Variants in DMXL1 observed in about 807,000 individuals in gnomAD.
DMXL1 encodes the protein dmX-like protein 1.
A neutral mutation model predicts 319.2 loss-of-function variants in DMXL1; 99 were observed. That is an observed-to-expected ratio of 0.31 (90% confidence interval 0.26 to 0.37). The LOEUF (loss-of-function observed/expected upper bound fraction) is 0.37. Ranked by LOEUF, DMXL1 falls within the 10% of genes least tolerant of loss-of-function variation. DMXL1 has a pLI of 1.00. For synonymous variants in DMXL1, 1,385 were observed against 1,235.2 expected (o/e 1.12, Z -2.54); for missense variants, 3,745 against 3,595.6 (o/e 1.04, Z -1.06).
chr5:119,099,172 T>C (rs1379599068), intron 2 of DMXL1, among the ~76,000 whole-genome samples: 1 of 139,202 alleles, frequency 7.2e-6, no homozygotes, highest in African/African-American at 2.9e-5. Flanking sequence ...TGGAAATCTT[T>C]GGGTTTTTTT....
Position 119,150,353 on chromosome 5 carries a change from T to C in DMXL1, c.4526T>C (p.Leu1509Ser). The C allele has an allele frequency of 6.2e-7, 1 of 1,613,848 alleles. No individual in the cohort carries two copies. ...CTCAGCCGGATGGAGCAGATGTCTT[T>C]GATGGCCTTAGCAGATACAATTGCA... ...PGLSRMEQMS[L>S]MALADTIATT... is the part of the protein sequence containing the mutation. The change falls in exon 18 of 44, where the codon TTG becomes TCG. Residue 1509 changes from leucine (L) to serine (S), a missense_variant. By Grantham distance (145) the Leu-to-Ser change is moderately radical (BLOSUM62 -2). Transcript: ENST00000539542.
chr5:119,121,880 T>C (rs1249739668), intron 9 of DMXL1, among the ~76,000 whole-genome samples: 2 of 148,088 alleles, frequency 1.4e-5, no homozygotes, highest in Non-Finnish European at 3.0e-5. Flanking sequence ...GCCCCTCACC[T>C]CCTGGACGGG....
intron 1 of DMXL1, among the ~76,000 whole-genome samples, chr5:119,082,522 A>G (rs559267743): frequency 2.6e-5 from 4 of 152,090 alleles, no homozygotes; most frequent in South Asian, 4.2e-4. Context: ...CAATCCTCCC[A>G]CATTGGCCTC....
chr5:119,099,541 T>C (rs1323781918), intron 2 of DMXL1, among the ~76,000 whole-genome samples: 2 of 152,178 alleles, frequency 1.3e-5, no homozygotes, highest in African/African-American at 2.4e-5. Flanking sequence ...TCTTCATGTT[T>C]GTTTGATCTT....
Position 119,244,581 on chromosome 5 carries a change from A to G in DMXL1, c.8922+5A>G, listed in dbSNP as rs1431271404. 2 of 1,609,616 alleles carry G rather than the reference A, an allele frequency of 1.2e-6. No homozygotes were observed. The highest frequency in any genetic ancestry group is 1.3e-5 in the African/African-American group (1 of 74,838). ...TCTGCCGAAGGCAATATAAAGGTAAACACAGTTGATGCCACAACATCTACA... is the reference window on the plus strand; with the variant it reads ...TCTGCCGAAGGCAATATAAAGGTAAGCACAGTTGATGCCACAACATCTACA... On this transcript the variant is annotated splice_donor_5th_base_variant and intron_variant, in intron 43 of 43. Coordinates refer to ENST00000539542, the MANE Select transcript of DMXL1 (RefSeq NM_001290321.3).
In DMXL1 at chr5:119,149,277, T is replaced by G; in HGVS notation, c.3450T>G (p.Gly1150=). The G allele has an allele frequency of 6.2e-7, 1 of 1,613,914 alleles. No individual in the cohort carries two copies. Among genetic ancestry groups the G allele is most frequent in the African/African-American group, 1.3e-5 (1 of 75,012 alleles). The part of the protein sequence containing the change: ...VHLDWMSRED[G]SHILTVGIGS... ...TAGATTGGATGTCTAGAGAAGACGGTTCTCATATCCTGACTGTAGGAATTG... is the reference window on the plus strand; with the variant it reads ...TAGATTGGATGTCTAGAGAAGACGGGTCTCATATCCTGACTGTAGGAATTG... Residue 1150 remains glycine, a synonymous_variant, in exon 18 of 44, where the codon GGT becomes GGG. Coordinates refer to ENST00000539542, the MANE Select transcript of DMXL1 (RefSeq NM_001290321.3).
chr5:119,085,156 C>T (rs1227544849), intron 1 of DMXL1, among the ~76,000 whole-genome samples: 1 of 151,772 alleles, frequency 6.6e-6, no homozygotes, highest in East Asian at 1.9e-4. Context: ...TGGTGAAACC[C>T]CGTCTCTATT....
At chr5:119,089,999 C>CTTTTTTTTTTTTTTTTTTTTTTTTTTTT (rs70982467) in intron 1 of DMXL1, among the ~76,000 whole-genome samples, 2 of 34,402 alleles carry the variant, frequency 5.8e-5, no homozygotes, top group Non-Finnish European at 1.1e-4. Context: ...TCGGGTTAGT[C>CTTTTTTTTTTTTTTTTTTTTTTTTTTTT]TTTTTTTTTT....
chr5:119,198,462 C>G (rs1780059443), intron 32 of DMXL1, among the ~76,000 whole-genome samples: 1 of 152,200 alleles, frequency 6.6e-6, no homozygotes. Context: ...TAGATTTGGA[C>G]TGTGAGCTAT....
intron 38 of DMXL1, among the ~76,000 whole-genome samples, chr5:119,229,300 C>CA (rs1465865683): frequency 1.7e-4 from 26 of 151,958 alleles, no homozygotes; most frequent in Non-Finnish European, 2.9e-4. Context: ...CTTGATAAAA[C>CA]AAAATCTCGA....
intron 16 of DMXL1, 113 bp from the exon 17 acceptor site, chr5:119,147,136 T>C: frequency 1.8e-6 from 2 of 1,106,166 alleles, no homozygotes; most frequent in Non-Finnish European, 1.3e-6. Flanking sequence ...ATCATATTAA[T>C]ATGTTTACTA....
intron 25 of DMXL1, among the ~76,000 whole-genome samples, chr5:119,174,812 C>T (rs909075299): frequency 6.6e-6 from 1 of 152,174 alleles, no homozygotes; most frequent in Admixed American, 6.6e-5. Flanking sequence ...TAGTTTCACT[C>T]TCTTCAAATT....
intron 43 of DMXL1, among the ~76,000 whole-genome samples, chr5:119,246,103 A>T (rs1789712452): frequency 6.6e-6 from 1 of 152,240 alleles, no homozygotes; most frequent in East Asian, 1.9e-4. Context: ...ATAAGTAAAG[A>T]TGCGTATAAT....
chr5:119,156,678 A>ATTTCT (rs1771150496), intron 19 of DMXL1, among the ~76,000 whole-genome samples: 1 of 151,044 alleles, frequency 6.6e-6, no homozygotes, highest in African/African-American at 2.4e-5. Flanking sequence ...TTTAGTTAAA[A>ATTTCT]TTTCTTTTCT....
chr5:119,090,949 A>G (rs2149742904), intron 1 of DMXL1, among the ~76,000 whole-genome samples: 1 of 151,948 alleles, frequency 6.6e-6, no homozygotes, highest in Non-Finnish European at 1.5e-5. Flanking sequence ...GAGAGCCTCT[A>G]ATGAATTTTT....
intron 32 of DMXL1, among the ~76,000 whole-genome samples, 177 bp downstream of exon 32, chr5:119,198,133 C>T (rs10900728): frequency 6.6e-6 from 1 of 151,776 alleles, no homozygotes; most frequent in Non-Finnish European, 1.5e-5. Flanking sequence ...GGATTACAGG[C>T]GCCTGCCACC....
intron 5 of DMXL1, 32 bp downstream of exon 5, chr5:119,110,315 A>G: frequency 6.6e-7 from 1 of 1,506,306 alleles, no homozygotes; most frequent in Non-Finnish European, 8.8e-7. Context: ...TAAACTGATA[A>G]ACCTGTTGTT....
chr5:119,177,758 A>G (rs1031725019), intron 27 of DMXL1, among the ~76,000 whole-genome samples: 2 of 152,142 alleles, frequency 1.3e-5, no homozygotes, highest in African/African-American at 4.8e-5. Context: ...AAATTTATCT[A>G]TGACATCTTA....
chr5:119,128,700 G>A (rs1320750417), intron 9 of DMXL1, among the ~76,000 whole-genome samples: 1 of 152,114 alleles, frequency 6.6e-6, no homozygotes, highest in African/African-American at 2.4e-5. Context: ...TGCATATGTA[G>A]GATGGGGAAT....
Sources: allele counts gnomAD v4.1 joint callset (sites outside exome capture counted in the v4.1 genomes callset), GRCh38; gene constraint gnomAD v4.1.1; transcripts MANE v1.5; gene names NCBI Gene and HGNC (gene_info 2026-07-23, HGNC 2026-07-21).